JAZF1: variants seen among roughly 807,000 people sequenced by gnomAD.
JAZF1 encodes JAZF zinc finger 1.
In JAZF1, 8 loss-of-function variants were observed where a neutral mutation model predicts 26.4. The observed-to-expected ratio is 0.30, with a 90% CI of 0.18 to 0.55. JAZF1 has a LOEUF of 0.55. JAZF1 is among the 20% of genes least tolerant of loss of function. The pLI, the probability that JAZF1 is intolerant of heterozygous loss-of-function variation, is 0.94. For missense variants in JAZF1, 199 were observed against 322.0 expected, an observed-to-expected ratio of 0.62 and a Z score of 2.92; for synonymous variants, 126 against 122.3, an observed-to-expected ratio of 1.03 and a Z score of -0.20.
At chr7:28,151,793 A>G (rs1562604696) in intron 1 of JAZF1, among the ~76,000 whole-genome samples, 2 of 145,196 alleles carry the variant, frequency 1.4e-5, no homozygotes, top group South Asian at 2.1e-4. Context: ...TTCCATCTCA[A>G]AAAAAAAACA....
chr7:27,856,741 T>C (rs1783264461), intron 3 of JAZF1, among the ~76,000 whole-genome samples: 1 of 152,150 alleles, frequency 6.6e-6, no homozygotes, highest in African/African-American at 2.4e-5. Flanking sequence ...AACCTTCAGC[T>C]AGATACAGAG....
At chr7:27,899,490 A>G (rs1211953875) in intron 2 of JAZF1, among the ~76,000 whole-genome samples, 1 of 152,098 alleles carries the variant, frequency 6.6e-6, no homozygotes, top group Non-Finnish European at 1.5e-5. Context: ...GCTGGTGTGC[A>G]GTGGTGTGAT....
chr7:27,991,314 T>C (rs1008787568), intron 2 of JAZF1, among the ~76,000 whole-genome samples: 2 of 152,234 alleles, frequency 1.3e-5, no homozygotes, highest in Non-Finnish European at 2.9e-5. Context: ...CAAATATTAC[T>C]GTCTCCCTAA....
At chr7:28,113,217 G>A (rs4722755) in intron 1 of JAZF1, among the ~76,000 whole-genome samples, 17,525 of 152,136 alleles carry the variant, frequency 0.12, 1,457 homozygotes, top group East Asian at 0.47. Context: ...GCTTTATGGC[G>A]ACAGACTACA....
chr7:27,992,004 AT>A, intron 1 of JAZF1, 23 bp from the exon 2 acceptor site: 21 of 1,453,436 alleles, frequency 1.4e-5, no homozygotes, highest in South Asian at 2.3e-5. Flanking sequence ...CACAATTACG[AT>A]TTTTTTTAGA....
intron 1 of JAZF1, among the ~76,000 whole-genome samples, chr7:28,046,905 T>C (rs1388167920): frequency 2.6e-5 from 4 of 152,224 alleles, no homozygotes; most frequent in African/African-American, 7.2e-5. Flanking sequence ...TCACATATTT[T>C]TCTCCCAGTT....
intron 3 of JAZF1, among the ~76,000 whole-genome samples, chr7:27,879,461 G>C (rs974680768): frequency 3.9e-5 from 6 of 152,094 alleles, no homozygotes; most frequent in Non-Finnish European, 8.8e-5. Flanking sequence ...CTTCTTATAA[G>C]ACAACAATGA....
chr7:27,997,694 A>G (rs1481285962), intron 1 of JAZF1, among the ~76,000 whole-genome samples: 1 of 151,846 alleles, frequency 6.6e-6, no homozygotes, highest in Admixed American at 6.6e-5. Flanking sequence ...CATCCTCCTG[A>G]GCAGATAGGA....
At chr7:28,143,606 C>T (rs1373765978) in intron 1 of JAZF1, among the ~76,000 whole-genome samples, 1 of 152,196 alleles carries the variant, frequency 6.6e-6, no homozygotes, top group Admixed American at 6.5e-5. Context: ...GTTTCTTCTA[C>T]CCTCTAGCAG....
At position 27,895,279 on chromosome 7, in the gene JAZF1, G is replaced by A; in HGVS notation, c.326C>T (p.Thr109Ile). 1 of 1,609,638 alleles carries A rather than the reference G, an allele frequency of 6.2e-7. No homozygotes were observed. Among genetic ancestry groups the A allele is most frequent in the Non-Finnish European group, 8.5e-7 (1 of 1,177,858 alleles). ...GGTGATGGGTGGGGTCACGGGGGGAGTAAGGCTTCCACTGCTGTGGCGTGG... is the reference window on the plus strand; with the variant it reads ...GGTGATGGGTGGGGTCACGGGGGGAATAAGGCTTCCACTGCTGTGGCGTGG... ...TPPRHSSGSLTPPVTPPITPS... is the reference protein window; with the variant it reads ...TPPRHSSGSLIPPVTPPITPS... The change falls in exon 3 of 5, where the codon ACT (threonine) becomes ATT (isoleucine). Residue 109 changes from threonine (T) to isoleucine (I), a missense_variant. Thr to Ile is a moderately conservative substitution (Grantham distance 89). Around this residue, in one of 2 missense-constraint regions of JAZF1, gnomAD observed 137 missense variants for 184.8 expected, o/e 0.74. Transcript: ENST00000283928.
intron 1 of JAZF1, among the ~76,000 whole-genome samples, chr7:28,075,134 C>T (rs1465461273): frequency 3.3e-5 from 5 of 152,250 alleles, no homozygotes; most frequent in East Asian, 3.9e-4. Context: ...ATTTATGACC[C>T]GGCAAATCAA....
rs1459007783 is a variant in JAZF1, at chr7:28,126,084, T to C, written c.115+54379A>G. Among the ~76,000 whole-genome samples, 8 of 152,180 alleles carry C rather than the reference T, an allele frequency of 5.3e-5. No individual in the cohort carries two copies. In the South Asian group the frequency reaches 1.4e-3, roughly 28 times the overall value. ...TATCCTATGGTTCAAGTGTAGCATA[T>C]TCCAGTAAATGGAGGCACCAGGAAG... On this transcript the variant is annotated intron_variant, in intron 1 of 4. Coordinates refer to ENST00000283928, the MANE Select transcript of JAZF1 (RefSeq NM_175061.4).
At chr7:28,108,812 C>T (rs914838553) in intron 1 of JAZF1, among the ~76,000 whole-genome samples, 2 of 152,026 alleles carry the variant, frequency 1.3e-5, no homozygotes, top group Admixed American at 1.3e-4. Context: ...AAGTGTCCAT[C>T]GATGGATAAA....
rs187323363 is a variant in JAZF1, at chr7:27,881,832, C to G, written c.385+13388G>C. Among the ~76,000 whole-genome samples, 20 of 152,304 alleles carry G rather than the reference C, an allele frequency of 1.3e-4. No individual in the cohort carries two copies. In the East Asian group the frequency reaches 2.3e-3, roughly 18 times the overall value. ...TCTAGGCAGCCATTTTCAAGTCAAACATTCTGATGAGACTTTTAACTATAC... is the reference window on the plus strand; with the variant it reads ...TCTAGGCAGCCATTTTCAAGTCAAAGATTCTGATGAGACTTTTAACTATAC... On this transcript the variant is annotated intron_variant, in intron 3 of 4. Coordinates refer to ENST00000283928, the MANE Select transcript of JAZF1 (RefSeq NM_175061.4).
At chr7:28,062,481 A>C (rs1329272603) in intron 1 of JAZF1, among the ~76,000 whole-genome samples, 1 of 151,858 alleles carries the variant, frequency 6.6e-6, no homozygotes, top group African/African-American at 2.4e-5. Context: ...CCCTGTCCTG[A>C]GGCTGAGTAA....
At chr7:27,912,957 C>A (rs1474818840) in intron 2 of JAZF1, among the ~76,000 whole-genome samples, 6 of 152,106 alleles carry the variant, frequency 3.9e-5, no homozygotes, top group African/African-American at 1.4e-4. Flanking sequence ...CTGACTCTGG[C>A]CTCATTTACG....
At chr7:28,051,366 C>A (rs1443752894) in intron 1 of JAZF1, among the ~76,000 whole-genome samples, 1 of 151,724 alleles carries the variant, frequency 6.6e-6, no homozygotes. Flanking sequence ...ATTACAGGTG[C>A]ACACCACCAC....
chr7:28,094,985 A>G (rs911503408), intron 1 of JAZF1, among the ~76,000 whole-genome samples: 9 of 152,126 alleles, frequency 5.9e-5, no homozygotes, highest in African/African-American at 2.2e-4. Flanking sequence ...GGCACCCCAG[A>G]GAAGGGCACA....
chr7:27,839,753 T>G (rs1583423863), intron 4 of JAZF1, among the ~76,000 whole-genome samples: 2 of 152,344 alleles, frequency 1.3e-5, no homozygotes, highest in Middle Eastern at 6.8e-3. Flanking sequence ...ATAGCTGCTA[T>G]GAAAAGTACT....
Sources: allele counts gnomAD v4.1 joint callset (sites outside exome capture counted in the v4.1 genomes callset), GRCh38; gene constraint gnomAD v4.1.1; regional missense constraint gnomAD v4.1.1; transcripts MANE v1.5; gene names NCBI Gene and HGNC (gene_info 2026-07-23, HGNC 2026-07-21).